The following RNF130 variants were observed in gnomAD, a reference collection of about 807,000 sequenced individuals.
The protein encoded by RNF130 is E3 ubiquitin-protein ligase RNF130.
In RNF130, 21 loss-of-function variants were observed where a neutral mutation model predicts 44.6. That is an observed-to-expected ratio of 0.47 (90% CI 0.33 to 0.68). The LOEUF is 0.68. Among genes scored for constraint, RNF130 ranks in the 30% least tolerant of loss-of-function variants. The probability of loss-of-function intolerance (pLI) is 0.02; values close to 1 mark genes in which losing one functional copy is unlikely to be tolerated. For synonymous variants in RNF130, 214 were observed against 210.4 expected (o/e 1.02, Z -0.15); for missense variants, 479 against 560.6 (o/e 0.85, Z 1.47).
At chr5:179,999,990 A>C (rs1763297627) in intron 3 of RNF130, among the ~76,000 whole-genome samples, 1 of 151,928 alleles carries the variant, frequency 6.6e-6, no homozygotes. Flanking sequence ...CTAAGATTTG[A>C]TTCCCTTCTC....
chr5:180,068,957 A>G (rs977178674), intron 1 of RNF130, among the ~76,000 whole-genome samples: 1 of 152,252 alleles, frequency 6.6e-6, no homozygotes, highest in Non-Finnish European at 1.5e-5. Context: ...TAAGAGCATC[A>G]AGGTCATAAA....
chr5:180,041,542 C>G (rs1377923858), intron 1 of RNF130, among the ~76,000 whole-genome samples: 2 of 152,088 alleles, frequency 1.3e-5, no homozygotes, highest in Non-Finnish European at 2.9e-5. Flanking sequence ...GAAGAAGCCC[C>G]CGGCTGCTCT....
chr5:179,985,326 A>T (rs1762930025), intron 3 of RNF130, among the ~76,000 whole-genome samples: 1 of 152,064 alleles, frequency 6.6e-6, no homozygotes, highest in African/African-American at 2.4e-5. Flanking sequence ...GACATCTTCA[A>T]CAGTGCCATC....
At chr5:179,984,286 A>G (rs931242531) in intron 3 of RNF130, among the ~76,000 whole-genome samples, 10 of 152,068 alleles carry the variant, frequency 6.6e-5, no homozygotes, top group African/African-American at 2.4e-4. Flanking sequence ...CTTTTTACTT[A>G]CTGTGCTGGC....
rs776959886 is a variant in RNF130, at chr5:180,012,980, T to C, written c.693+81A>G. 4.2e-5 allele frequency: 61 copies of C among 1,464,130 alleles called. No individual in the cohort carries two copies. In the Middle Eastern group the frequency reaches 5.4e-4, roughly 13 times the overall value. 90.7% of individuals were successfully genotyped at this position (1,464,130 alleles called of 1,614,324 possible). ...ACAACATTTTTTAAAAGAAAAAACA[T>C]GTTAGTAAGATGCATGGTCACGACA... On this transcript the variant is annotated intron_variant, in intron 3 of 8. Coordinates refer to ENST00000521389, the MANE Select transcript of RNF130 (RefSeq NM_018434.6).
At chr5:179,980,107 T>C (rs1762799331) in intron 4 of RNF130, 22 bp downstream of exon 4, 1 of 1,609,660 alleles carries the variant, frequency 6.2e-7, no homozygotes, top group Non-Finnish European at 8.5e-7. Flanking sequence ...TTTACGGTGC[T>C]GAAGTTGTTT....
In RNF130 at chr5:180,001,984, G is replaced by C. The variant is rs547379482; in HGVS notation, c.693+11077C>G. Among the ~76,000 whole-genome samples the C allele has an allele frequency of 5.9e-5, 9 of 152,356 alleles. No homozygotes were observed. The South Asian group carries it at 1.4e-3, about 25-fold the overall frequency. Reference sequence around the variant, plus strand: ...CATCCCTGGCATGCACAACTGCTCAGTCTGGCCAAGGCACCAACTCCCCAA... The same window carrying C: ...CATCCCTGGCATGCACAACTGCTCACTCTGGCCAAGGCACCAACTCCCCAA... On this transcript the variant is annotated intron_variant, in intron 3 of 8. Coordinates refer to ENST00000521389, the MANE Select transcript of RNF130 (RefSeq NM_018434.6).
intron 2 of RNF130, among the ~76,000 whole-genome samples, chr5:180,031,252 T>G (rs2113123085): frequency 6.6e-6 from 1 of 152,286 alleles, no homozygotes; most frequent in East Asian, 1.9e-4. Flanking sequence ...TTTGGGAGGC[T>G]GAGGTGGGTG....
intron 1 of RNF130, among the ~76,000 whole-genome samples, chr5:180,046,429 T>G (rs1286264497): frequency 6.6e-6 from 1 of 152,054 alleles, no homozygotes; most frequent in Non-Finnish European, 1.5e-5. Flanking sequence ...TTTGATTCAT[T>G]TGATTTAGTA....
At chr5:180,044,920 G>C (rs758959015) in intron 1 of RNF130, among the ~76,000 whole-genome samples, 2 of 152,150 alleles carry the variant, frequency 1.3e-5, no homozygotes, top group Non-Finnish European at 1.5e-5. Flanking sequence ...CCAACACGAA[G>C]TGCACTTAAG....
At chr5:180,051,243 T>TATTTATTTATTTA (rs1289318756) in intron 1 of RNF130, among the ~76,000 whole-genome samples, 4 of 149,156 alleles carry the variant, frequency 2.7e-5, no homozygotes, top group Non-Finnish European at 3.0e-5. Flanking sequence ...ATATTATATT[T>TATTTATTTATTTA]ATTTATTTAT....
At chr5:179,939,563 G>T in intron 7 of RNF130, 1 of 316,172 alleles carries the variant, frequency 3.2e-6, no homozygotes, top group Admixed American at 4.5e-5. Flanking sequence ...TTTTAGTGAT[G>T]TTTCTGCCGT....
chr5:180,046,646 CTG>C (rs1185535533), intron 1 of RNF130, among the ~76,000 whole-genome samples: 1 of 152,178 alleles, frequency 6.6e-6, no homozygotes, highest in Non-Finnish European at 1.5e-5. Flanking sequence ...CTCTCAGAGC[CTG>C]TGTGTGTCAC....
intron 8 of RNF130, among the ~76,000 whole-genome samples, chr5:179,960,482 C>T (rs748078951): frequency 2.0e-5 from 3 of 152,180 alleles, no homozygotes; most frequent in Non-Finnish European, 4.4e-5. Context: ...ATGCACCGAG[C>T]GTGGTGAGGA....
chr5:179,960,599 C>G (rs972861762), intron 8 of RNF130, among the ~76,000 whole-genome samples: 6 of 152,228 alleles, frequency 3.9e-5, no homozygotes, highest in African/African-American at 1.4e-4. Context: ...GCCCTGACAT[C>G]TTGCCCACAG....
intron 7 of RNF130, among the ~76,000 whole-genome samples, chr5:179,935,374 C>T (rs535623655): frequency 5.9e-5 from 9 of 152,204 alleles, no homozygotes; most frequent in African/African-American, 1.9e-4. Context: ...ATGTTAATTA[C>T]ATCTTGTCTG....
intron 1 of RNF130, among the ~76,000 whole-genome samples, chr5:180,066,790 G>A (rs1223000325): frequency 6.6e-6 from 1 of 152,022 alleles, no homozygotes; most frequent in Non-Finnish European, 1.5e-5. Context: ...CCGAGATCGC[G>A]CCATTGCACT....
chr5:179,986,627 T>C (rs527653373), intron 3 of RNF130, among the ~76,000 whole-genome samples: 1 of 152,370 alleles, frequency 6.6e-6, no homozygotes, highest in African/African-American at 2.4e-5. Flanking sequence ...ATTACATTAA[T>C]ACAGTACGTA....
At chr5:179,946,349 C>A (rs887933294) in intron 7 of RNF130, among the ~76,000 whole-genome samples, 99 of 152,304 alleles carry the variant, frequency 6.5e-4, no homozygotes, top group African/African-American at 2.3e-3. Flanking sequence ...GCGTCAGGCC[C>A]CCCTCCTGAC....
Sources: gnomAD v4.1 joint callset for allele counts (sites outside exome capture counted in the v4.1 genomes callset) on GRCh38, gnomAD v4.1.1 for gene constraint, MANE v1.5 for transcripts, NCBI Gene and HGNC (gene_info 2026-07-23, HGNC 2026-07-21) for gene names.